HCN1: variants seen among roughly 807,000 people sequenced by gnomAD.
The protein encoded by HCN1 is hyperpolarization activated cyclic nucleotide gated potassium channel 1.
In HCN1, 13 loss-of-function variants were observed where a neutral mutation model predicts 78.9. The observed-to-expected ratio is 0.16, with a 90% CI of 0.11 to 0.26. The LOEUF (loss-of-function observed/expected upper bound fraction) is 0.26, where lower values mean the gene tolerates loss of function less well. Ranked by LOEUF, HCN1 falls within the 10% of genes least tolerant of loss-of-function variation. The pLI is 1.00. For missense variants in HCN1, 810 were observed against 1,154.3 expected, an observed-to-expected ratio of 0.70 and a Z score of 4.32; for synonymous variants, 552 against 455.5, an observed-to-expected ratio of 1.21 and a Z score of -2.70.
intron 3 of HCN1, among the ~76,000 whole-genome samples, chr5:45,436,636 T>G (rs1241604594): frequency 6.6e-6 from 1 of 152,234 alleles, no homozygotes; most frequent in African/African-American, 2.4e-5. Flanking sequence ...TGTTTTCTAC[T>G]GAATAATTAC....
chr5:45,448,262 C>G (rs952618012), intron 3 of HCN1, among the ~76,000 whole-genome samples: 2 of 152,150 alleles, frequency 1.3e-5, no homozygotes. Context: ...AGGTGCAATT[C>G]ACATAAGCCA....
chr5:45,277,416 AG>A (rs1745085665), intron 6 of HCN1, among the ~76,000 whole-genome samples: 2 of 152,154 alleles, frequency 1.3e-5, no homozygotes, highest in South Asian at 4.1e-4. Context: ...AAACTTCAAC[AG>A]AGCTTGAAAG....
intron 2 of HCN1, among the ~76,000 whole-genome samples, chr5:45,552,573 A>G (rs148855123): frequency 2.3e-3 from 356 of 152,096 alleles, no homozygotes; most frequent in African/African-American, 8.1e-3. Context: ...TGGTAAAGCT[A>G]TCATCATTGC....
chr5:45,376,184 TATA>T (rs1211949503), intron 4 of HCN1, among the ~76,000 whole-genome samples: 4 of 86,560 alleles, frequency 4.6e-5, no homozygotes, highest in Non-Finnish European at 8.0e-5. Flanking sequence ...ATATATTACA[TATA>T]ATATATATAA....
At chr5:45,613,591 T>G (rs1744885512) in intron 2 of HCN1, among the ~76,000 whole-genome samples, 1 of 151,914 alleles carries the variant, frequency 6.6e-6, no homozygotes, top group Admixed American at 6.6e-5. Flanking sequence ...AAATACCATT[T>G]GACCCAGCCA....
At chr5:45,502,846 G>A (rs897942925) in intron 2 of HCN1, among the ~76,000 whole-genome samples, 2 of 152,034 alleles carry the variant, frequency 1.3e-5, no homozygotes, top group African/African-American at 4.8e-5. Flanking sequence ...GACTGAAGAG[G>A]AATTTTAACG....
intron 6 of HCN1, among the ~76,000 whole-genome samples, chr5:45,288,262 A>G (rs1745306555): frequency 6.6e-6 from 1 of 152,048 alleles, no homozygotes. Flanking sequence ...ACCTACCTCC[A>G]TTTCTTTTTA....
intron 3 of HCN1, among the ~76,000 whole-genome samples, chr5:45,442,694 C>T (rs1291350692): frequency 2.0e-5 from 3 of 151,240 alleles, no homozygotes; most frequent in African/African-American, 7.3e-5. Context: ...TACATTTCCA[C>T]ATGATAATCA....
chr5:45,266,640 T>C (rs1474920380), intron 7 of HCN1, among the ~76,000 whole-genome samples: 1 of 151,172 alleles, frequency 6.6e-6, no homozygotes. Context: ...TCTCAAGAAA[T>C]ACGGCTACAG....
At chr5:45,695,603 A>G (rs1739992908) in intron 1 of HCN1, 66 bp downstream of exon 1, 1 of 1,505,170 alleles carries the variant, frequency 6.6e-7, no homozygotes, top group Non-Finnish European at 9.1e-7. Flanking sequence ...CCCCCACCCA[A>G]GGGCGGGGAA....
chr5:45,664,431 C>A, intron 1 of HCN1, among the ~76,000 whole-genome samples: 1 of 135,528 alleles, frequency 7.4e-6, no homozygotes, highest in South Asian at 2.4e-4. Flanking sequence ...ACAATGTGCA[C>A]ATGTACCCTA....
At chr5:45,417,005 C>T (rs1463525261) in intron 3 of HCN1, among the ~76,000 whole-genome samples, 1 of 151,982 alleles carries the variant, frequency 6.6e-6, no homozygotes, top group Non-Finnish European at 1.5e-5. Context: ...ACAGAGAACA[C>T]ATTTAAATAC....
chr5:45,677,989 TACACACACAC>T (rs200866112), intron 1 of HCN1, among the ~76,000 whole-genome samples: 4 of 94,100 alleles, frequency 4.3e-5, no homozygotes, highest in Admixed American at 1.0e-4. Flanking sequence ...CACACACACA[TACACACACAC>T]ACACACACAC....
intron 4 of HCN1, among the ~76,000 whole-genome samples, chr5:45,379,588 T>C (rs905195717): frequency 1.3e-5 from 2 of 152,144 alleles, no homozygotes; most frequent in African/African-American, 4.8e-5. Context: ...CTTATTTTTA[T>C]GAATGTATTA....
chr5:45,345,429 G>T (rs1746680976), intron 5 of HCN1, among the ~76,000 whole-genome samples: 1 of 152,134 alleles, frequency 6.6e-6, no homozygotes, highest in Non-Finnish European at 1.5e-5. Flanking sequence ...CAGAAAGTGG[G>T]CTTTTTCTTT....
At chr5:45,646,367 C>CTTTTTTT (rs201964510) in intron 1 of HCN1, among the ~76,000 whole-genome samples, 15 of 123,514 alleles carry the variant, frequency 1.2e-4, no homozygotes, top group South Asian at 2.6e-4. Flanking sequence ...TTCTTTCTTT[C>CTTTTTTT]TTTTTTTTTT....
At chr5:45,646,838 A>T (rs1301364584) in intron 1 of HCN1, among the ~76,000 whole-genome samples, 2 of 152,182 alleles carry the variant, frequency 1.3e-5, no homozygotes, top group Non-Finnish European at 2.9e-5. Flanking sequence ...GTATCCAGAA[A>T]CATGAGTTAC....
In HCN1 at chr5:45,628,988, A is replaced by T. The variant is rs1453720513; in HGVS notation, c.849+16197T>A. On this transcript the variant is annotated intron_variant, in intron 2 of 7. Transcript: ENST00000303230. ...AACTTCAACTCAAAATAAAAAATAAAAAAAAAAAAGAAAATAAAAGAAATT... is the reference window on the plus strand; with the variant it reads ...AACTTCAACTCAAAATAAAAAATAATAAAAAAAAAGAAAATAAAAGAAATT... Among the ~76,000 whole-genome samples the T allele has an allele frequency of 7.9e-5, 12 of 151,430 alleles. No individual in the cohort carries two copies. The East Asian group carries it at 1.2e-3, about 15-fold the overall frequency.
intron 2 of HCN1, among the ~76,000 whole-genome samples, chr5:45,471,614 C>A (rs545373325): frequency 8.9e-4 from 135 of 151,984 alleles, no homozygotes; most frequent in African/African-American, 3.1e-3. Flanking sequence ...CAACAGAAAG[C>A]CCACATGTGT....
Sources: gnomAD v4.1 joint callset for allele counts (sites outside exome capture counted in the v4.1 genomes callset) on GRCh38, gnomAD v4.1.1 for gene constraint, MANE v1.5 for transcripts, NCBI Gene and HGNC (gene_info 2026-07-23, HGNC 2026-07-21) for gene names.